NBEA: variants seen among roughly 807,000 people sequenced by gnomAD.
NBEA encodes neurobeachin.
Under a neutral mutation model 343.4 loss-of-function variants are expected in NBEA, and 44 were observed. That is an observed-to-expected ratio of 0.13 (90% CI 0.10 to 0.16). NBEA has a LOEUF of 0.16. NBEA is among the 10% of genes least tolerant of loss of function. The probability of loss-of-function intolerance (pLI) is 1.00; values close to 1 mark genes in which losing one functional copy is unlikely to be tolerated. For missense variants in NBEA, 2,555 were observed against 3,631.3 expected, an observed-to-expected ratio of 0.70 and a Z score of 7.62; for synonymous variants, 1,175 against 1,238.7, an observed-to-expected ratio of 0.95 and a Z score of 1.08.
intron 38 of NBEA, among the ~76,000 whole-genome samples, chr13:35,418,478 G>T (rs1224446743): frequency 6.6e-6 from 1 of 151,926 alleles, no homozygotes; most frequent in Non-Finnish European, 1.5e-5. Flanking sequence ...ATATGAGAAT[G>T]AAAGGAAAGG....
At chr13:35,225,775 A>G (rs1460664691) in intron 33 of NBEA, among the ~76,000 whole-genome samples, 1 of 151,992 alleles carries the variant, frequency 6.6e-6, no homozygotes, top group Non-Finnish European at 1.5e-5. Flanking sequence ...CATGCATCCT[A>G]AGTCTTCTTG....
chr13:35,182,072 T>C (rs1191529123), intron 28 of NBEA, among the ~76,000 whole-genome samples: 3 of 151,718 alleles, frequency 2.0e-5, no homozygotes, highest in African/African-American at 7.2e-5. Flanking sequence ...ACATACTATG[T>C]TGTTATGTAA....
intron 1 of NBEA, among the ~76,000 whole-genome samples, chr13:34,962,284 A>T (rs941722229): frequency 6.6e-6 from 1 of 152,030 alleles, no homozygotes; most frequent in South Asian, 2.1e-4. Flanking sequence ...ATGTGTGTAC[A>T]TATGTGTCTA....
At chr13:35,164,601 C>T in intron 24 of NBEA, 92 bp downstream of exon 24, 1 of 1,337,810 alleles carries the variant, frequency 7.5e-7, no homozygotes, top group Non-Finnish European at 1.0e-6. Context: ...ACATTTTAAC[C>T]AGACCTGTAC....
chr13:35,482,151 T>C (rs909840938), intron 41 of NBEA, among the ~76,000 whole-genome samples: 1 of 151,740 alleles, frequency 6.6e-6, no homozygotes, highest in Non-Finnish European at 1.5e-5. Context: ...GTAATTCTTC[T>C]AAAGTAAGAT....
intron 8 of NBEA, among the ~76,000 whole-genome samples, chr13:35,067,292 T>C (rs1369419965): frequency 6.6e-6 from 1 of 152,108 alleles, no homozygotes; most frequent in Non-Finnish European, 1.5e-5. Flanking sequence ...TTTCCTTAGC[T>C]CAGTACAACT....
intron 34 of NBEA, among the ~76,000 whole-genome samples, chr13:35,265,381 T>A (rs2033586296): frequency 6.6e-6 from 1 of 151,814 alleles, no homozygotes; most frequent in Non-Finnish European, 1.5e-5. Context: ...CTAAAATATG[T>A]ATGGAACCAC....
At chr13:35,207,588 AT>A (rs2073480922) in intron 31 of NBEA, among the ~76,000 whole-genome samples, 1 of 152,138 alleles carries the variant, frequency 6.6e-6, no homozygotes, top group Admixed American at 6.6e-5. Context: ...TTCTTTATAC[AT>A]TTTTAAAAAC....
At chr13:35,352,054 T>A in intron 37 of NBEA, 103 bp from the exon 38 acceptor site, 1 of 634,650 alleles carries the variant, frequency 1.6e-6, no homozygotes, top group South Asian at 7.6e-5. Flanking sequence ...TATTTGAGTT[T>A]TAAAAAGTTG....
At chr13:35,513,227 C>T (rs1388176230) in intron 41 of NBEA, among the ~76,000 whole-genome samples, 1 of 150,824 alleles carries the variant, frequency 6.6e-6, no homozygotes, top group Non-Finnish European at 1.5e-5. Flanking sequence ...ACCTCCACCT[C>T]CCAGGTTCAA....
In NBEA at chr13:35,253,277, A is replaced by C. The variant is rs946456965; in HGVS notation, c.5776+20658A>C. ...GTTAACAAATTGAAGGTTTGTGGCA[A>C]CCTTGCATGGAGCAAGTCTACTGGC... On this transcript the variant is annotated intron_variant, in intron 34 of 58. Transcript: ENST00000379939. 2.6e-5 allele frequency among the ~76,000 whole-genome samples: 4 copies of C among 152,226 alleles called. 1 individual carries two copies. Among genetic ancestry groups the C allele is most frequent in the African/African-American group, 9.6e-5 (4 of 41,458 alleles).
intron 38 of NBEA, among the ~76,000 whole-genome samples, chr13:35,380,603 A>G (rs936333057): frequency 6.6e-5 from 10 of 152,188 alleles, no homozygotes; most frequent in Admixed American, 3.3e-4. Context: ...ACTGATAAAG[A>G]ATTTGTTTTC....
At chr13:35,010,744 ATATATATATAT>A (rs1566159167) in intron 1 of NBEA, among the ~76,000 whole-genome samples, 1,255 of 62,170 alleles carry the variant, frequency 0.02, 176 homozygotes, top group African/African-American at 0.072. Flanking sequence ...AAAAAAAAAT[ATATATATATAT>A]ATATATATAT....
chr13:35,204,887 G>A (rs1288482471), intron 31 of NBEA, among the ~76,000 whole-genome samples: 2 of 151,982 alleles, frequency 1.3e-5, no homozygotes, highest in African/African-American at 4.8e-5. Flanking sequence ...TAGACTTCTA[G>A]GTAAGATTTT....
intron 5 of NBEA, 67 bp downstream of exon 5, chr13:35,048,751 C>A (rs1186774555): frequency 1.0e-5 from 9 of 883,760 alleles, no homozygotes; most frequent in Non-Finnish European, 1.6e-5. Context: ...TGTATAGTCT[C>A]AAGGCAACTT....
chr13:35,434,313 G>A (rs1030450132), intron 39 of NBEA, among the ~76,000 whole-genome samples: 1 of 152,006 alleles, frequency 6.6e-6, no homozygotes, highest in African/African-American at 2.4e-5. Flanking sequence ...TAGGTAAGAG[G>A]TGTGATACTA....
At chr13:34,968,204 C>T (rs918657378) in intron 1 of NBEA, among the ~76,000 whole-genome samples, 1 of 152,136 alleles carries the variant, frequency 6.6e-6, no homozygotes, top group Non-Finnish European at 1.5e-5. Flanking sequence ...GCACACCACC[C>T]TCCCAGCAGA....
At chr13:35,299,422 TCTAA>T (rs1207698068) in intron 35 of NBEA, among the ~76,000 whole-genome samples, 2 of 152,190 alleles carry the variant, frequency 1.3e-5, no homozygotes, top group Non-Finnish European at 2.9e-5. Context: ...GACTAGTCCA[TCTAA>T]CTACCATAAA....
intron 41 of NBEA, among the ~76,000 whole-genome samples, chr13:35,530,868 C>T (rs2078230775): frequency 6.6e-6 from 1 of 152,166 alleles, no homozygotes; most frequent in Admixed American, 6.5e-5. Context: ...ACAGTCTACA[C>T]TGTCAAATAC....
Sources: gnomAD v4.1 joint callset for allele counts (sites outside exome capture counted in the v4.1 genomes callset) on GRCh38, gnomAD v4.1.1 for gene constraint, MANE v1.5 for transcripts, NCBI Gene and HGNC (gene_info 2026-07-23, HGNC 2026-07-21) for gene names.